CNGA3: variants seen among roughly 807,000 people sequenced by gnomAD.
The protein encoded by CNGA3 is cyclic nucleotide gated channel subunit alpha 3.
A neutral mutation model predicts 46.6 loss-of-function variants in CNGA3; 42 were observed. That is an observed-to-expected ratio of 0.90 (90% CI 0.70 to 1.17). The LOEUF is 1.17. CNGA3 is among the 50% of genes most tolerant of loss of function. The pLI is 0.00. For missense variants in CNGA3, 893 were observed against 890.7 expected, an observed-to-expected ratio of 1.00 and a Z score of -0.03; for synonymous variants, 394 against 369.4, an observed-to-expected ratio of 1.07 and a Z score of -0.76.
intron 2 of CNGA3, 48 bp downstream of exon 2, chr2:98,370,124 A>C (rs953320764): frequency 7.0e-7 from 1 of 1,435,398 alleles, no homozygotes; most frequent in Admixed American, 1.8e-5. Flanking sequence ...GGCTCTGGTC[A>C]TTTCCACAGC....
intron 1 of CNGA3, among the ~76,000 whole-genome samples, chr2:98,347,629 C>T (rs899633442): frequency 6.6e-6 from 1 of 152,216 alleles, no homozygotes; most frequent in Non-Finnish European, 1.5e-5. Flanking sequence ...TGGCCTGAAC[C>T]AGGTGCCTCT....
chr2:98,355,047 T>C (rs915145276), intron 1 of CNGA3, among the ~76,000 whole-genome samples: 1 of 152,214 alleles, frequency 6.6e-6, no homozygotes. Context: ...CCAAATGCAT[T>C]TTCTGTGTTC....
chr2:98,369,677 C>T (rs1692241099), intron 1 of CNGA3, among the ~76,000 whole-genome samples: 1 of 152,214 alleles, frequency 6.6e-6, no homozygotes, highest in Admixed American at 6.5e-5. Context: ...TATTCATTCA[C>T]TCATTCAGTA....
intron 5 of CNGA3, among the ~76,000 whole-genome samples, chr2:98,385,048 T>C (rs1445827092): frequency 1.3e-5 from 2 of 152,216 alleles, no homozygotes; most frequent in Non-Finnish European, 2.9e-5. Flanking sequence ...CAGCAGCATT[T>C]TGCAGTTCTG....
chr2:98,390,536 C>T (rs140677283), intron 6 of CNGA3, among the ~76,000 whole-genome samples: 2 of 152,292 alleles, frequency 1.3e-5, no homozygotes, highest in East Asian at 1.9e-4. Flanking sequence ...TACTGCTCCT[C>T]TTAGGGGAAG....
At chr2:98,377,229 C>A (rs747036765) in intron 2 of CNGA3, 1 of 179,272 alleles carries the variant, frequency 5.6e-6, no homozygotes, top group Admixed American at 5.4e-5. Context: ...CTGCAGCACA[C>A]GCAGTGGGAA....
intron 1 of CNGA3, among the ~76,000 whole-genome samples, chr2:98,351,683 T>C (rs142176393): frequency 2.6e-5 from 4 of 152,310 alleles, no homozygotes; most frequent in African/African-American, 9.6e-5. Context: ...TAAAAAGTTA[T>C]AGAGCAGTGA....
chr2:98,380,371 A>C lies in CNGA3; in HGVS notation c.395+17A>C, dbSNP rs202105828. ...AGGGAGAAGGTAAGGAACGGAAAAG[A>C]AGAAGGGGCCTCTGGTGCCTGCTGG... On this transcript the variant is annotated intron_variant, in intron 4 of 7. Transcript: ENST00000272602. 2 of 1,611,290 alleles carry C rather than the reference A, an allele frequency of 1.2e-6. No individual in the cohort carries two copies. Among genetic ancestry groups the C allele is most frequent in the South Asian group, 1.1e-5 (1 of 90,706 alleles).
At chr2:98,389,626 A>C (rs769058914) in intron 5 of CNGA3, 32 bp from the exon 6 acceptor site, 17 of 1,554,138 alleles carry the variant, frequency 1.1e-5, no homozygotes, top group Non-Finnish European at 1.3e-5. Flanking sequence ...CTTGGAGCAC[A>C]GTGCGCTGTT....
intron 5 of CNGA3, among the ~76,000 whole-genome samples, chr2:98,384,465 T>A (rs1033787366): frequency 6.6e-6 from 1 of 152,132 alleles, no homozygotes; most frequent in African/African-American, 2.4e-5. Context: ...TGCCAAGGGT[T>A]TTTCTTGTTA....
intron 2 of CNGA3, among the ~76,000 whole-genome samples, chr2:98,374,892 G>GT (rs1161557041): frequency 3.3e-5 from 5 of 152,258 alleles, no homozygotes; most frequent in African/African-American, 1.2e-4. Context: ...TTCACGGCCA[G>GT]TTGTGCCTTT....
intron 5 of CNGA3, among the ~76,000 whole-genome samples, chr2:98,387,172 G>T (rs1431506660): frequency 6.6e-6 from 1 of 152,196 alleles, no homozygotes; most frequent in African/African-American, 2.4e-5. Context: ...GTTTTAAGTG[G>T]CCATGTAGAA....
At position 98,397,249 on chromosome 2, in the gene CNGA3, A is replaced by G; in HGVS notation, c.2079A>G (p.Gln693=). The G allele has an allele frequency of 6.2e-7, 1 of 1,613,576 alleles. No homozygotes were observed. ...ATGCTACAAAAACAGAGGACAAACA[A>G]CAGTGAAAATGCAGCATCTGTCTCC... ...PGDATKTEDK[Q]Q Residue 693 remains glutamine, a synonymous_variant, in exon 8 of 8, where the codon CAA becomes CAG. Transcript: ENST00000272602.
intron 1 of CNGA3, among the ~76,000 whole-genome samples, chr2:98,361,966 C>G (rs1360801427): frequency 6.6e-6 from 1 of 152,006 alleles, no homozygotes; most frequent in Admixed American, 6.6e-5. Flanking sequence ...CTCGGCCTCC[C>G]AAAGTGCTGG....
At chr2:98,387,758 C>T (rs996866983) in intron 5 of CNGA3, among the ~76,000 whole-genome samples, 4 of 152,316 alleles carry the variant, frequency 2.6e-5, no homozygotes, top group African/African-American at 9.6e-5. Flanking sequence ...AATGTTGCTT[C>T]CCTTCTGCTC....
At chr2:98,355,901 G>A (rs1691869268) in intron 1 of CNGA3, 1 of 152,166 alleles carries the variant, frequency 6.6e-6, no homozygotes, top group Admixed American at 6.5e-5. Context: ...CCTTTCAAAT[G>A]TGATTTGAGT....
At chr2:98,377,840 C>T in intron 3 of CNGA3, 40 bp downstream of exon 3, 1 of 1,553,146 alleles carries the variant, frequency 6.4e-7, no homozygotes, top group Non-Finnish European at 8.8e-7. Flanking sequence ...GCCTGGGGGA[C>T]ACTGTTGCAG....
At chr2:98,368,321 G>GAAATTGC (rs1692209145) in intron 1 of CNGA3, among the ~76,000 whole-genome samples, 1 of 152,184 alleles carries the variant, frequency 6.6e-6, no homozygotes, top group Admixed American at 6.5e-5. Flanking sequence ...GCTATTTCTA[G>GAAATTGC]AAATTGCCAT....
At position 98,395,854 on chromosome 2, in the gene CNGA3, G is replaced by A. The variant is rs1451322885; in HGVS notation, c.684G>A (p.Glu228=). The change falls in exon 8 of 8, where the codon GAG becomes GAA. Residue 228 remains glutamate, a synonymous_variant. Transcript: ENST00000272602. ...CATCTTCTTCTTTAGGTTTTCTCGA[G>A]CAAGGCTTAATGGTCAGTGATACCA... is the stretch of plus-strand genomic sequence containing the variant. ...VLVRARTGFL[E]QGLMVSDTNR... is the part of the protein sequence containing the mutation. 1 of 1,614,214 alleles carries A rather than the reference G, an allele frequency of 6.2e-7. No individual in the cohort carries two copies. Among genetic ancestry groups the A allele is most frequent in the Admixed American group, 1.7e-5 (1 of 60,030 alleles).
Sources: gnomAD v4.1 joint callset for allele counts (sites outside exome capture counted in the v4.1 genomes callset) on GRCh38, gnomAD v4.1.1 for gene constraint, MANE v1.5 for transcripts, NCBI Gene and HGNC (gene_info 2026-07-23, HGNC 2026-07-21) for gene names.